The following ARHGAP39 variants were observed in gnomAD, a reference collection of about 807,000 sequenced individuals.
ARHGAP39 encodes the protein rho GTPase-activating protein 39.
In ARHGAP39, 44 loss-of-function variants were observed where a neutral mutation model predicts 106.9. That is an observed-to-expected ratio of 0.41 (90% CI 0.32 to 0.53). The LOEUF (loss-of-function observed/expected upper bound fraction) is 0.53, where lower values mean the gene tolerates loss of function less well. Ranked by LOEUF, ARHGAP39 falls within the 20% of genes least tolerant of loss-of-function variation. The pLI is 0.21. For missense variants in ARHGAP39, 1,496 were observed against 1,577.3 expected, an observed-to-expected ratio of 0.95 and a Z score of 0.87; for synonymous variants, 768 against 693.2, an observed-to-expected ratio of 1.11 and a Z score of -1.69.
intron 1 of ARHGAP39, among the ~76,000 whole-genome samples, chr8:144,666,136 T>C (rs116559592): frequency 1.7e-3 from 262 of 152,344 alleles, no homozygotes; most frequent in African/African-American, 6.0e-3. Context: ...CTGCTGGATT[T>C]TGAACTTGCA....
chr8:144,582,617 G>A (rs1056708810), intron 2 of ARHGAP39, among the ~76,000 whole-genome samples: 3 of 152,250 alleles, frequency 2.0e-5, no homozygotes, highest in East Asian at 1.9e-4. Context: ...GACAGTCCAC[G>A]TGGGGCCATG....
intron 5 of ARHGAP39, among the ~76,000 whole-genome samples, chr8:144,546,350 T>C (rs1564839660): frequency 6.6e-6 from 1 of 152,112 alleles, no homozygotes; most frequent in Non-Finnish European, 1.5e-5. Context: ...TCTGCCCTCT[T>C]GTCCTGCATC....
chr8:144,548,314 C>T lies in ARHGAP39; in HGVS notation c.772G>A (p.Ala258Thr), dbSNP rs926944460. The change falls in exon 5 of 12, where the codon GCC (alanine) becomes ACC (threonine). Residue 258 changes from alanine to threonine, a missense_variant. Coordinates refer to ENST00000377307, the MANE Select transcript of ARHGAP39 (RefSeq NM_025251.3). This position sits in a 1 kb window ranked among gnomAD's most constrained non-coding sequence, Gnocchi z 7.4. ...AAGATGGTGCCGTCAGCCTCCGGGG[C>T]GAAGGTCTGCAGGCTGGGTGAGTGC... is the stretch of plus-strand genomic sequence containing the variant. ...SQHSPSLQTF[A>T]PEADGTIFFP... 49 of 1,608,072 alleles carry T rather than the reference C, an allele frequency of 3.0e-5. No homozygotes were observed. The highest frequency in any genetic ancestry group is 3.7e-5 in the Non-Finnish European group (43 of 1,176,890).
chr8:144,600,078 T>C (rs1428720181), intron 2 of ARHGAP39, among the ~76,000 whole-genome samples: 3 of 152,176 alleles, frequency 2.0e-5, no homozygotes, highest in Non-Finnish European at 4.4e-5. Flanking sequence ...TGTGTGCGTG[T>C]GCATGGAGGC....
intron 3 of ARHGAP39, among the ~76,000 whole-genome samples, chr8:144,577,522 C>T (rs1818820180): frequency 6.6e-6 from 1 of 151,994 alleles, no homozygotes; most frequent in African/African-American, 2.4e-5. Flanking sequence ...CACTGGAAAT[C>T]CTATGCAGGG....
At chr8:144,685,271 C>T (rs1563738056) in intron 1 of ARHGAP39, among the ~76,000 whole-genome samples, 1 of 147,332 alleles carries the variant, frequency 6.8e-6, no homozygotes, top group Non-Finnish European at 1.5e-5. Context: ...TCACTCTGGA[C>T]AGGGGCACAC....
intron 1 of ARHGAP39, among the ~76,000 whole-genome samples, chr8:144,628,295 C>T (rs911925595): frequency 6.6e-6 from 1 of 152,164 alleles, no homozygotes; most frequent in South Asian, 2.1e-4. Flanking sequence ...TGTCAGTGAA[C>T]ATTTGCCAGG....
chr8:144,678,339 ATAT>A, intron 1 of ARHGAP39, among the ~76,000 whole-genome samples: 1 of 152,156 alleles, frequency 6.6e-6, no homozygotes. Flanking sequence ...AGGGGAGAAA[ATAT>A]TATGTGATTG....
At chr8:144,593,316 T>C (rs1034605927) in intron 2 of ARHGAP39, among the ~76,000 whole-genome samples, 2 of 151,940 alleles carry the variant, frequency 1.3e-5, no homozygotes, top group African/African-American at 2.4e-5. Context: ...TAGACAAGGG[T>C]GTCGAGACCA....
At chr8:144,678,191 G>A (rs117965047) in intron 1 of ARHGAP39, among the ~76,000 whole-genome samples, 3,480 of 151,932 alleles carry the variant, frequency 0.023, 70 homozygotes, top group African/African-American at 0.054. Flanking sequence ...GATCACTTGA[G>A]CCCAGGAGAT....
At chr8:144,576,198 TG>T (rs1208840352) in intron 3 of ARHGAP39, among the ~76,000 whole-genome samples, 1 of 150,678 alleles carries the variant, frequency 6.6e-6, no homozygotes, top group South Asian at 2.1e-4. Context: ...CCAGGTGTGG[TG>T]GTGGGCGCCT....
intron 2 of ARHGAP39, among the ~76,000 whole-genome samples, chr8:144,600,165 G>A (rs1448711173): frequency 6.6e-6 from 1 of 152,088 alleles, no homozygotes; most frequent in Non-Finnish European, 1.5e-5. Flanking sequence ...GTGTGTGCGT[G>A]GAGGCGTGTG....
chr8:144,677,314 G>A (rs998495921), intron 1 of ARHGAP39, among the ~76,000 whole-genome samples: 1 of 152,202 alleles, frequency 6.6e-6, no homozygotes, highest in Admixed American at 6.5e-5. Context: ...TTCCAACTGA[G>A]ACATTCATTT....
chr8:144,614,490 T>A (rs1312877869), intron 1 of ARHGAP39, among the ~76,000 whole-genome samples: 1 of 152,074 alleles, frequency 6.6e-6, no homozygotes, highest in Non-Finnish European at 1.5e-5. Context: ...GTAGCTGGGA[T>A]TACAGGTGCA....
At chr8:144,581,309 C>A (rs1054828411) in intron 2 of ARHGAP39, 32 bp from the exon 3 acceptor site, 30 of 1,510,286 alleles carry the variant, frequency 2.0e-5, no homozygotes, top group Non-Finnish European at 2.4e-5. Flanking sequence ...GCGGCTGGAG[C>A]CACGGCGGCC....
In ARHGAP39 at chr8:144,646,789, C is replaced by G. The variant is rs1389629754; in HGVS notation, c.-82+38897G>C. On this transcript the variant is annotated intron_variant, in intron 1 of 11. Transcript: ENST00000377307. The surrounding 1 kb of genome is among the most constrained non-coding windows in gnomAD (Gnocchi z 5.7). ...CCCAGAGTCCAAGCGGGCCATGGCC[C>G]TGGCACTGCACGTGAGGAAACAAGG... Among the ~76,000 whole-genome samples, 1 of 152,196 alleles carries G rather than the reference C, an allele frequency of 6.6e-6. No individual in the cohort carries two copies. Among genetic ancestry groups the G allele is most frequent in the Non-Finnish European group, 1.5e-5 (1 of 68,032 alleles).
chr8:144,647,047 C>T lies in ARHGAP39; in HGVS notation c.-82+38639G>A, dbSNP rs377741681. Among the ~76,000 whole-genome samples, 5 of 150,716 alleles carry T rather than the reference C, an allele frequency of 3.3e-5. No homozygotes were observed. The East Asian group carries it at 7.9e-4, about 24-fold the overall frequency. On this transcript the variant is annotated intron_variant, in intron 1 of 11. Coordinates refer to ENST00000377307, the MANE Select transcript of ARHGAP39 (RefSeq NM_025251.3). This position sits in a 1 kb window ranked among gnomAD's most constrained non-coding sequence, Gnocchi z 4.8. ...ACAACGACACCATCTCGGCTCACTG[C>T]AAGCTCCGCCTCCTGGGTTCACACC...
chr8:144,602,012 T>G (rs369700856), intron 2 of ARHGAP39, among the ~76,000 whole-genome samples: 1 of 133,076 alleles, frequency 7.5e-6, no homozygotes, highest in African/African-American at 2.9e-5. Context: ...TGTGTGTGCA[T>G]GGAGGCGTGT....
chr8:144,544,928 C>G, intron 6 of ARHGAP39, among the ~76,000 whole-genome samples: 1 of 152,266 alleles, frequency 6.6e-6, no homozygotes, highest in East Asian at 1.9e-4. Context: ...CTGCTCCGCC[C>G]TCGGCGTCTT....
Sources: allele counts gnomAD v4.1 joint callset (sites outside exome capture counted in the v4.1 genomes callset), GRCh38; gene constraint gnomAD v4.1.1; non-coding constraint Gnocchi (gnomAD v3.1); transcripts MANE v1.5; gene names NCBI Gene and HGNC (gene_info 2026-07-23, HGNC 2026-07-21).